CNTNAP4: variants seen among roughly 807,000 people sequenced by gnomAD.
CNTNAP4 encodes the protein contactin associated protein family member 4, also known as contactin-associated protein-like 4.
CNTNAP4 carries 98 observed loss-of-function variants against 148.4 expected under a neutral mutation model. The ratio of observed to expected loss-of-function variants is 0.66; its 90% CI spans 0.56 to 0.78. CNTNAP4 has a LOEUF of 0.78. Among genes scored for constraint, CNTNAP4 ranks in the 30% least tolerant of loss-of-function variants. The probability of loss-of-function intolerance (pLI) is 0.00; values close to 1 mark genes in which losing one functional copy is unlikely to be tolerated. For missense variants in CNTNAP4, 1,935 were observed against 1,565.6 expected (o/e 1.24, Z -3.98); for synonymous variants, 730 against 565.1 (o/e 1.29, Z -4.14).
At chr16:76,539,678 A>T (rs1390294439) in intron 19 of CNTNAP4, 41 bp from the exon 20 acceptor site, 2 of 1,530,106 alleles carry the variant, frequency 1.3e-6, no homozygotes, top group Admixed American at 4.6e-5. Context: ...CTCTCAAAGT[A>T]CGATTTTTAC....
intron 1 of CNTNAP4, among the ~76,000 whole-genome samples, chr16:76,282,036 C>G (rs1482286901): frequency 1.3e-5 from 2 of 151,492 alleles, no homozygotes; most frequent in African/African-American, 2.4e-5. Flanking sequence ...TTAATTGACC[C>G]CTATTTAAAT....
chr16:76,348,283 A>G (rs144449517), intron 2 of CNTNAP4, among the ~76,000 whole-genome samples: 127 of 152,068 alleles, frequency 8.4e-4, no homozygotes, highest in African/African-American at 2.7e-3. Flanking sequence ...CAGAAGGAGA[A>G]TGGAAAATCA....
chr16:76,448,371 G>C (rs1246703387), intron 5 of CNTNAP4, among the ~76,000 whole-genome samples, 156 bp downstream of exon 5: 2 of 147,554 alleles, frequency 1.4e-5, no homozygotes, highest in South Asian at 2.2e-4. Context: ...ATGTAAAAAT[G>C]GTTCATATTT....
intron 2 of CNTNAP4, among the ~76,000 whole-genome samples, chr16:76,339,618 G>T (rs1345871262): frequency 6.6e-6 from 1 of 152,140 alleles, no homozygotes; most frequent in Non-Finnish European, 1.5e-5. Flanking sequence ...TCATTACAAA[G>T]GTCTGTCATT....
At chr16:76,308,289 A>G (rs1024703809) in intron 1 of CNTNAP4, among the ~76,000 whole-genome samples, 6 of 152,340 alleles carry the variant, frequency 3.9e-5, no homozygotes, top group African/African-American at 1.4e-4. Flanking sequence ...CACTCGTGGC[A>G]TTTAATCGAG....
chr16:76,297,835 A>G lies in CNTNAP4; in HGVS notation c.86-18578A>G, dbSNP rs75684071. Among the ~76,000 whole-genome samples, 514 of 152,228 alleles carry G rather than the reference A, an allele frequency of 3.4e-3. 8 individuals carry two copies. The East Asian group carries it at 0.048, about 14-fold the overall frequency. On this transcript the variant is annotated intron_variant, in intron 1 of 23. Coordinates refer to ENST00000611870, the MANE Select transcript of CNTNAP4 (RefSeq NM_033401.5). ...CAGCATTAAAAAATATCTGTTAAAA[A>G]CTTTTATTTTTTCATTTTTCATAAA...
intron 21 of CNTNAP4, among the ~76,000 whole-genome samples, chr16:76,545,908 G>A (rs530255079): frequency 7.2e-5 from 11 of 152,070 alleles, no homozygotes; most frequent in Admixed American, 3.3e-4. Context: ...GGTAGCATGC[G>A]CCCGTAGTCT....
intron 3 of CNTNAP4, among the ~76,000 whole-genome samples, chr16:76,420,101 CTT>C (rs5817994): frequency 0.35 from 52,980 of 151,246 alleles, 10,907 homozygotes; most frequent in Non-Finnish European, 0.44. Context: ...GTTTGTTTGT[CTT>C]TTTTCTTGTG....
At chr16:76,433,027 C>G (rs2079666696) in intron 4 of CNTNAP4, among the ~76,000 whole-genome samples, 1 of 152,158 alleles carries the variant, frequency 6.6e-6, no homozygotes, top group Admixed American at 6.6e-5. Context: ...CTGCTTCTGA[C>G]AACTTCTCTA....
intron 3 of CNTNAP4, among the ~76,000 whole-genome samples, chr16:76,366,623 G>A (rs528226186): frequency 6.6e-6 from 1 of 152,222 alleles, no homozygotes; most frequent in East Asian, 1.9e-4. Flanking sequence ...GTGGTAGAAT[G>A]ATTTCTACTA....
intron 21 of CNTNAP4, among the ~76,000 whole-genome samples, chr16:76,548,155 T>C (rs984893349): frequency 6.6e-6 from 1 of 152,236 alleles, no homozygotes; most frequent in Non-Finnish European, 1.5e-5. Flanking sequence ...ACTGCCTCTT[T>C]ATCCACATAG....
intron 2 of CNTNAP4, among the ~76,000 whole-genome samples, chr16:76,346,755 C>T (rs1964934683): frequency 6.6e-6 from 1 of 152,162 alleles, no homozygotes. Context: ...TAACTTTATT[C>T]TAGTCTTCCA....
chr16:76,381,976 A>T (rs577998714), intron 3 of CNTNAP4, among the ~76,000 whole-genome samples: 2 of 143,614 alleles, frequency 1.4e-5, no homozygotes, highest in South Asian at 2.3e-4. Flanking sequence ...GGAGAATGGC[A>T]GGTGAACCCA....
At chr16:76,511,284 G>A (rs61310899) in intron 15 of CNTNAP4, among the ~76,000 whole-genome samples, 10 of 152,026 alleles carry the variant, frequency 6.6e-5, no homozygotes, top group Non-Finnish European at 1.0e-4. Context: ...TAAGTTTCTC[G>A]TTCCAAAAAA....
chr16:76,403,037 AC>A (rs757124808), intron 3 of CNTNAP4, among the ~76,000 whole-genome samples: 36 of 152,116 alleles, frequency 2.4e-4, no homozygotes, highest in South Asian at 4.1e-4. Context: ...GAAGAAAAAA[AC>A]AACTCCATTA....
Position 76,488,045 on chromosome 16 carries a change from G to C in CNTNAP4, c.1883-1641G>C, listed in dbSNP as rs555358108. On this transcript the variant is annotated intron_variant, in intron 12 of 23. Transcript: ENST00000611870. ...GCAAGAAAAGGTGAATAGTTTTTTT[G>C]AACAAAAGAAACAGAGTCCAACAGT... is the stretch of plus-strand genomic sequence containing the variant. Among the ~76,000 whole-genome samples, 6 of 152,196 alleles carry C rather than the reference G, an allele frequency of 3.9e-5. No homozygotes were observed. The South Asian group carries it at 1.2e-3, about 32-fold the overall frequency.
chr16:76,462,215 T>C, intron 9 of CNTNAP4, 110 bp downstream of exon 9: 1 of 975,248 alleles, frequency 1.0e-6, no homozygotes, highest in Non-Finnish European at 1.5e-6. Context: ...AAGGAATAAT[T>C]TTTCACTGTC....
chr16:76,288,777 A>C (rs948842510), intron 1 of CNTNAP4, among the ~76,000 whole-genome samples: 1 of 152,188 alleles, frequency 6.6e-6, no homozygotes, highest in Non-Finnish European at 1.5e-5. Flanking sequence ...ATGGATGATA[A>C]TTTGTATTTT....
intron 3 of CNTNAP4, among the ~76,000 whole-genome samples, chr16:76,379,687 T>C (rs1199296534): frequency 3.3e-5 from 5 of 152,216 alleles, no homozygotes; most frequent in African/African-American, 1.2e-4. Context: ...CACTATCTTT[T>C]GAGTGACTTT....
Sources: allele counts gnomAD v4.1 joint callset (sites outside exome capture counted in the v4.1 genomes callset), GRCh38; gene constraint gnomAD v4.1.1; transcripts MANE v1.5; gene names NCBI Gene and HGNC (gene_info 2026-07-23, HGNC 2026-07-21).